The following MMP17 variants were observed in gnomAD, a reference collection of about 807,000 sequenced individuals.
MMP17 encodes matrix metallopeptidase 17.
A neutral mutation model predicts 49.1 loss-of-function variants in MMP17; 54 were observed. The observed-to-expected ratio is 1.10, with a 90% CI of 0.88 to 1.38. The LOEUF is 1.38. Ranked by LOEUF, MMP17 falls within the 40% of genes most tolerant of loss-of-function variation. MMP17 has a pLI of 0.00. For missense variants in MMP17, 837 were observed against 853.7 expected, an observed-to-expected ratio of 0.98 and a Z score of 0.24; for synonymous variants, 397 against 383.1, an observed-to-expected ratio of 1.04 and a Z score of -0.42.
At chr12:131,834,373 T>C (rs1886970783) in intron 1 of MMP17, among the ~76,000 whole-genome samples, 1 of 152,082 alleles carries the variant, frequency 6.6e-6, no homozygotes, top group African/African-American at 2.4e-5. Flanking sequence ...CCACAGCCTC[T>C]GTTGCCCTGG....
At position 131,849,853 on chromosome 12, in the gene MMP17, G is replaced by GC; in HGVS notation, c.1260dup (p.Val421ArgfsTer21). 1 of 1,613,982 alleles carries GC rather than the reference G, an allele frequency of 6.2e-7. No homozygotes were observed. Among genetic ancestry groups the GC allele is most frequent in the South Asian group, 1.1e-5 (1 of 91,088 alleles). ...AATAACGTAGAGGAAGGATACCCGC[G>GC]CCCCGTCTCCGACTTCAGCCTCCCG... is the stretch of plus-strand genomic sequence containing the variant. On this transcript the variant is annotated frameshift_variant, in exon 9 of 10. Transcript: ENST00000360564. LOFTEE classifies it high-confidence loss of function.
chr12:131,845,253 TGCAGACCGTCTCTGCA>T, intron 7 of MMP17, 28 bp from the exon 8 acceptor site: 1 of 1,613,810 alleles, frequency 6.2e-7, no homozygotes. Flanking sequence ...CCACTCTGGG[TGCAGACCGTCTCTGCA>T]GCCCGGCCCT....
intron 8 of MMP17, among the ~76,000 whole-genome samples, chr12:131,847,222 T>C (rs143334855): frequency 0.019 from 2,813 of 151,926 alleles, 32 homozygotes; most frequent in Non-Finnish European, 0.025. Flanking sequence ...ACCATCCTGG[T>C]TAACACGGTG....
At chr12:131,838,448 T>C in intron 2 of MMP17, 121 bp downstream of exon 2, 2 of 1,464,322 alleles carry the variant, frequency 1.4e-6, no homozygotes, top group Non-Finnish European at 9.1e-7. Context: ...GGTCCTGGCC[T>C]GGTGTAGCTC....
chr12:131,843,059 G>A (rs1435586197), intron 5 of MMP17, among the ~76,000 whole-genome samples: 1 of 151,882 alleles, frequency 6.6e-6, no homozygotes, highest in East Asian at 2.0e-4. Flanking sequence ...GCAGTGGCGC[G>A]ATCTCGGCTC....
At chr12:131,842,798 A>G (rs1436733710) in intron 5 of MMP17, among the ~76,000 whole-genome samples, 4 of 151,906 alleles carry the variant, frequency 2.6e-5, no homozygotes, top group Admixed American at 6.6e-5. Flanking sequence ...GAAATTCACA[A>G]TTTCAAGGTG....
At chr12:131,839,471 C>A (rs1887269836) in intron 3 of MMP17, among the ~76,000 whole-genome samples, 1 of 152,096 alleles carries the variant, frequency 6.6e-6, no homozygotes, top group Middle Eastern at 3.4e-3. Context: ...TATGACCACA[C>A]CCAGCTAATT....
chr12:131,829,693 G>A (rs951030160), intron 1 of MMP17, among the ~76,000 whole-genome samples: 2 of 152,254 alleles, frequency 1.3e-5, no homozygotes, highest in Admixed American at 1.3e-4. Context: ...AAACCTTGGG[G>A]TCCAAGCAAG....
Position 131,844,063 on chromosome 12 carries a change from A to G in MMP17, c.950A>G (p.Asp317Gly), listed in dbSNP as rs1466490877. 4 of 1,564,994 alleles carry G rather than the reference A, an allele frequency of 2.6e-6. No individual in the cohort carries two copies. Among genetic ancestry groups the G allele is most frequent in the East Asian group, 4.7e-5 (2 of 42,240 alleles). ...EEPPLLPEPP[D>G]NRSSAPPRKD... is the part of the protein sequence containing the mutation. ...CCTCCCCTGCTGCCGGAGCCCCCAGACAACCGGTCCAGCGCCCCGTAAGCC... is the reference window on the plus strand; with the variant it reads ...CCTCCCCTGCTGCCGGAGCCCCCAGGCAACCGGTCCAGCGCCCCGTAAGCC... Residue 317 changes from aspartate to glycine, a missense_variant, in exon 6 of 10, where the codon GAC becomes GGC. By Grantham distance (94) the Asp-to-Gly change is moderately conservative. Transcript: ENST00000360564.
intron 1 of MMP17, among the ~76,000 whole-genome samples, chr12:131,834,423 G>A (rs955228662): frequency 1.4e-4 from 22 of 152,344 alleles, no homozygotes; most frequent in African/African-American, 4.1e-4. Flanking sequence ...GGAGGACCAG[G>A]CGGCGGGTGG....
In MMP17 at chr12:131,838,748, G is replaced by T; in HGVS notation, c.422+7G>T. 2 of 1,548,084 alleles carry T rather than the reference G, an allele frequency of 1.3e-6. No homozygotes were observed. Among genetic ancestry groups the T allele is most frequent in the Non-Finnish European group, 1.7e-6 (2 of 1,144,680 alleles). On this transcript the variant is annotated splice_region_variant and intron_variant, in intron 3 of 9. Coordinates refer to ENST00000360564, the MANE Select transcript of MMP17 (RefSeq NM_016155.7). ...AGAGGAACCTGTCGTGGAGGTGGGT[G>T]TGTGGCCAGGGTGAGGAGCGGGGCC...
intron 1 of MMP17, among the ~76,000 whole-genome samples, chr12:131,832,860 C>G (rs1272445867): frequency 6.6e-6 from 1 of 152,218 alleles, no homozygotes; most frequent in Non-Finnish European, 1.5e-5. Flanking sequence ...TGTGTTTTCC[C>G]TGCCAAAGGG....
Position 131,845,136 on chromosome 12 carries a change from C to G in MMP17, c.987C>G (p.Pro329=). The stretch of plus-strand genomic sequence containing the variant: ...CCTGCAGGCCCAGGAAGGACGTGCC[C>G]CACAGATGCAGCACTCACTTTGACG... The part of the protein sequence containing the change: ...RSSAPPRKDV[P]HRCSTHFDAV... Residue 329 remains proline (P), a synonymous_variant, in exon 7 of 10, where the codon CCC becomes CCG. Coordinates refer to ENST00000360564, the MANE Select transcript of MMP17 (RefSeq NM_016155.7). The G allele has an allele frequency of 1.9e-6, 3 of 1,606,220 alleles. No individual in the cohort carries two copies. The highest frequency in any genetic ancestry group is 2.5e-6 in the Non-Finnish European group (3 of 1,178,122).
chr12:131,833,298 A>C (rs985960960), intron 1 of MMP17, among the ~76,000 whole-genome samples: 5 of 152,260 alleles, frequency 3.3e-5, no homozygotes, highest in African/African-American at 1.2e-4. Flanking sequence ...CGAATAGAGC[A>C]GTTATTACTG....
Position 131,840,851 on chromosome 12 carries a change from C to A in MMP17, c.701C>A (p.Ser234Tyr). Residue 234 changes from serine (S) to tyrosine (Y), a missense_variant, in exon 4 of 10, where the codon TCC becomes TAC. Coordinates refer to ENST00000360564, the MANE Select transcript of MMP17 (RefSeq NM_016155.7). ...FDDDEAWTFR[S>Y]SDAHGMDLFA... ...GATGACGAGGCCTGGACCTTCCGCT[C>A]CTCGGGTGCGTCTGGGGCAGCCCTC... 6.3e-7 allele frequency: 1 copy of A among 1,595,550 alleles called. No homozygotes were observed. The highest frequency in any genetic ancestry group is 8.5e-7 in the Non-Finnish European group (1 of 1,171,936).
At chr12:131,844,985 C>A in intron 6 of MMP17, 133 bp from the exon 7 acceptor site, 2 of 888,378 alleles carry the variant, frequency 2.3e-6, no homozygotes, top group South Asian at 1.5e-5. Context: ...TTTAGCAGAC[C>A]TCTAGGCAAG....
rs968427490 is a variant in MMP17 at position 131,851,584 on chromosome 12, C to T, written c.*310C>T. ...TGGAGGGAGCATCTCGGGCTGGGGG[C>T]CCACCCCTCTCTGTGCCGGCGCCAC... On this transcript the variant is annotated 3_prime_UTR_variant, in exon 10 of 10. Transcript: ENST00000360564. 4.7e-4 allele frequency: 156 copies of T among 334,146 alleles called. 1 individual carries two copies. The highest frequency in any genetic ancestry group is 2.7e-3 in the African/African-American group (129 of 47,508). The allele number at this position is 334,146 out of a possible 1,614,324, so 20.7% of individuals were successfully genotyped here.
chr12:131,840,300 G>C, intron 3 of MMP17: 1 of 435,140 alleles, frequency 2.3e-6, no homozygotes, highest in Non-Finnish European at 4.2e-6. Context: ...GGGCCCTGGG[G>C]CTGATGGCTC....
In MMP17 at chr12:131,850,926, T is replaced by C. The variant is rs1195017708; in HGVS notation, c.1464T>C (p.Gly488=). The change falls in exon 10 of 10, where the codon GGT becomes GGC. Residue 488 remains glycine (G), a splice_region_variant and synonymous_variant. Coordinates refer to ENST00000360564, the MANE Select transcript of MMP17 (RefSeq NM_016155.7). ...TLDDAMRWSD[G]ASYFFRGQEY... Reference sequence around the variant, plus strand: ...CTCAGCTCTCCCTCCTCTTCTCAGGTGCCTCCTACTTCTTCCGTGGCCAGG... The same window carrying C: ...CTCAGCTCTCCCTCCTCTTCTCAGGCGCCTCCTACTTCTTCCGTGGCCAGG... 1 of 1,471,612 alleles carries C rather than the reference T, an allele frequency of 6.8e-7. No individual in the cohort carries two copies. Among genetic ancestry groups the C allele is most frequent in the Non-Finnish European group, 9.0e-7 (1 of 1,109,186 alleles). The allele number at this position is 1,471,612 out of a possible 1,614,324, so 91.2% of individuals were successfully genotyped here.
Sources: gnomAD v4.1 joint callset for allele counts (sites outside exome capture counted in the v4.1 genomes callset) on GRCh38, gnomAD v4.1.1 for gene constraint, MANE v1.5 for transcripts, NCBI Gene and HGNC (gene_info 2026-07-23, HGNC 2026-07-21) for gene names.